Variants in SLC11A2 observed in about 807,000 individuals in gnomAD.
The protein encoded by SLC11A2 is natural resistance-associated macrophage protein 2.
Under a neutral mutation model 68.0 loss-of-function variants are expected in SLC11A2, and 38 were observed. The ratio of observed to expected loss-of-function variants is 0.56; its 90% CI spans 0.43 to 0.73. The LOEUF (loss-of-function observed/expected upper bound fraction) is 0.73. SLC11A2 is among the 30% of genes least tolerant of loss of function. The pLI is 0.00. For synonymous variants in SLC11A2, 242 were observed against 250.6 expected, an observed-to-expected ratio of 0.97 and a Z score of 0.32; for missense variants, 517 against 690.5, an observed-to-expected ratio of 0.75 and a Z score of 2.82.
intron 1 of SLC11A2, among the ~76,000 whole-genome samples, chr12:51,022,825 A>G (rs796384144): frequency 2.6e-4 from 39 of 152,316 alleles, no homozygotes; most frequent in African/African-American, 9.1e-4. Flanking sequence ...AGTAGAGATG[A>G]GACCAAAACA....
intron 2 of SLC11A2, among the ~76,000 whole-genome samples, chr12:51,009,577 A>G (rs390424): frequency 0.91 from 138,523 of 152,226 alleles, 63,312 homozygotes; most frequent in East Asian, 0.98. Flanking sequence ...AAGCAGCTTT[A>G]AATTAATGAA....
At chr12:50,956,624 A>G in the SLC11A2 span, among the ~76,000 whole-genome samples, 1 of 152,144 alleles carries the variant, frequency 6.6e-6, no homozygotes, top group Non-Finnish European at 1.5e-5. Flanking sequence ...TATTTAAAGT[A>G]TGTGTTGACA....
chr12:50,977,809 C>A (rs749641618), downstream of SLC11A2, among the ~76,000 whole-genome samples: 1 of 152,020 alleles, frequency 6.6e-6, no homozygotes, highest in Admixed American at 6.6e-5. Flanking sequence ...AGAAAAAAAA[C>A]AACCCCATCA....
Position 51,026,001 on chromosome 12 carries a change from T to G in SLC11A2, c.-39+309A>C, listed in dbSNP as rs573344715. 9.1e-5 allele frequency: 92 copies of G among 1,015,210 alleles called. No individual in the cohort carries two copies. In the South Asian group the frequency reaches 2.6e-3, roughly 29 times the overall value. The allele number at this position is 1,015,210 out of a possible 1,614,324, so 62.9% of individuals were successfully genotyped here. ...ACCCCGACACAGGCCGGGCGCGCCA[T>G]CCGGTGCAGCTGGGAGCTGGGCCAT... On this transcript the variant is annotated intron_variant, in intron 1 of 15. Transcript: ENST00000262052.
chr12:50,985,778 T>C (rs1332468044), downstream of SLC11A2, among the ~76,000 whole-genome samples: 1 of 152,182 alleles, frequency 6.6e-6, no homozygotes, highest in Non-Finnish European at 1.5e-5. Flanking sequence ...AGTGGGTAAA[T>C]GGAAATTAAT....
At chr12:50,982,240 ACATGAAATGGCATGTACCAAGAGGG>A (rs558873777), downstream of SLC11A2, among the ~76,000 whole-genome samples, 848 of 152,332 alleles carry the variant, frequency 5.6e-3, 5 homozygotes, top group Non-Finnish European at 9.1e-3. Context: ...AAAAACAAAA[ACATGAAATGGCATGTACCAAGAGGG>A]AGAAAGATGA....
chr12:50,968,979 G>T, the SLC11A2 span, among the ~76,000 whole-genome samples: 1 of 151,666 alleles, frequency 6.6e-6, no homozygotes, highest in African/African-American at 2.4e-5. Flanking sequence ...ACCACGCACC[G>T]CATTTATATT....
At position 50,996,992 on chromosome 12, in the gene SLC11A2, T is replaced by C. The variant is rs1270466829; in HGVS notation, c.676-20A>G. On this transcript the variant is annotated intron_variant, in intron 8 of 15. Coordinates refer to ENST00000262052, the MANE Select transcript of SLC11A2 (RefSeq NM_000617.3). ...AACATACTACATACCAACATAACAA[T>C]GATTAGCCTTTACAGGAACGTGAAA... is the stretch of plus-strand genomic sequence containing the variant. The C allele has an allele frequency of 6.2e-7, 1 of 1,611,064 alleles. No individual in the cohort carries two copies. Among genetic ancestry groups the C allele is most frequent in the Non-Finnish European group, 8.5e-7 (1 of 1,177,386 alleles).
In SLC11A2 at chr12:51,005,419, A is replaced by G. The variant is rs1437133246; in HGVS notation, c.201T>C (p.Phe67=). 1 of 1,613,986 alleles carries G rather than the reference A, an allele frequency of 6.2e-7. No homozygotes were observed. The stretch of plus-strand genomic sequence containing the variant: ...GTCCGGTGAAAGCCCAGAGTTTACG[A>G]AAGCTAAAACAAGAGTACTGTACAA... ...IPEEEYSCFS[F]RKLWAFTGPG... The change falls in exon 4 of 16, where the codon TTT becomes TTC. Residue 67 remains phenylalanine (F), a synonymous_variant. Coordinates refer to ENST00000262052, the MANE Select transcript of SLC11A2 (RefSeq NM_000617.3).
chr12:50,977,058 C>T (rs1483064858), downstream of SLC11A2, among the ~76,000 whole-genome samples: 12 of 152,118 alleles, frequency 7.9e-5, 1 homozygote, highest in South Asian at 6.2e-4. Context: ...ATCGTGAAAA[C>T]GGCCATACTG....
intron 3 of SLC11A2, chr12:51,005,865 G>A (rs957490094): frequency 4.0e-5 from 15 of 377,462 alleles, no homozygotes; most frequent in Admixed American, 3.0e-4. Flanking sequence ...CCAACTGAAC[G>A]GATCCTCTTC....
the SLC11A2 span, among the ~76,000 whole-genome samples, chr12:50,962,376 A>G: frequency 6.6e-6 from 1 of 151,436 alleles, no homozygotes; most frequent in East Asian, 1.9e-4. Context: ...ATGCCTTTGC[A>G]CTCCAGCCTG....
At chr12:51,027,561 AC>A (rs1399584960), upstream of SLC11A2, among the ~76,000 whole-genome samples, 1 of 151,774 alleles carries the variant, frequency 6.6e-6, no homozygotes, top group Non-Finnish European at 1.5e-5. Flanking sequence ...CATCCTACCT[AC>A]CCAAAAGCAA....
At chr12:50,972,828 C>T in the SLC11A2 span, among the ~76,000 whole-genome samples, 1 of 152,218 alleles carries the variant, frequency 6.6e-6, no homozygotes, top group Non-Finnish European at 1.5e-5. Context: ...TAGCAAACAG[C>T]ACACCAGGAG....
the SLC11A2 span, among the ~76,000 whole-genome samples, chr12:50,973,651 C>A: frequency 6.6e-6 from 1 of 152,320 alleles, no homozygotes; most frequent in Admixed American, 6.5e-5. Flanking sequence ...ATGACTTTGA[C>A]AAGTTGAGAG....
the SLC11A2 span, among the ~76,000 whole-genome samples, chr12:50,961,427 G>A: frequency 6.6e-6 from 1 of 152,164 alleles, no homozygotes; most frequent in Non-Finnish European, 1.5e-5. Context: ...TATTGTGGCT[G>A]TGATCCCCAT....
At chr12:51,026,777 G>A (rs1944413344), upstream of SLC11A2, among the ~76,000 whole-genome samples, 2 of 151,988 alleles carry the variant, frequency 1.3e-5, no homozygotes, top group Non-Finnish European at 1.5e-5. Context: ...CACTTGTAAT[G>A]CCCAGCACTT....
At chr12:51,000,105 A>T (rs1330489658) in intron 6 of SLC11A2, among the ~76,000 whole-genome samples, 1 of 152,206 alleles carries the variant, frequency 6.6e-6, no homozygotes, top group Non-Finnish European at 1.5e-5. Context: ...CACACATTCT[A>T]ATAAAGGTAA....
At chr12:50,967,651 CA>C in the SLC11A2 span, among the ~76,000 whole-genome samples, 1 of 152,194 alleles carries the variant, frequency 6.6e-6, no homozygotes, top group South Asian at 2.1e-4. Context: ...TAACTGAAAA[CA>C]TGGCCATTAA....
Sources: allele counts gnomAD v4.1 joint callset (sites outside exome capture counted in the v4.1 genomes callset), GRCh38; gene constraint gnomAD v4.1.1; transcripts MANE v1.5; gene names NCBI Gene and HGNC (gene_info 2026-07-23, HGNC 2026-07-21).